Variants in LDB2 observed in about 807,000 individuals in gnomAD.
LDB2 encodes the protein LIM domain-binding protein 2.
LDB2 carries 12 observed loss-of-function variants against 44.3 expected under a neutral mutation model. The observed-to-expected ratio is 0.27, with a 90% CI of 0.17 to 0.44. LDB2 has a LOEUF of 0.44. Ranked by LOEUF, LDB2 falls within the 20% of genes least tolerant of loss-of-function variation. The pLI is 1.00. For synonymous variants in LDB2, 164 were observed against 174.8 expected, an observed-to-expected ratio of 0.94 and a Z score of 0.49; for missense variants, 344 against 473.5, an observed-to-expected ratio of 0.73 and a Z score of 2.54.
At chr4:16,831,900 C>T (rs186224559) in intron 1 of LDB2, among the ~76,000 whole-genome samples, 20 of 152,132 alleles carry the variant, frequency 1.3e-4, no homozygotes, top group African/African-American at 2.9e-4. Context: ...CTAATATGGG[C>T]GTAACCAGGG....
At chr4:16,526,373 G>A (rs1212752606) in intron 5 of LDB2, among the ~76,000 whole-genome samples, 2 of 152,166 alleles carry the variant, frequency 1.3e-5, no homozygotes, top group African/African-American at 4.8e-5. Flanking sequence ...CAGACCTTCG[G>A]TCTGGGAGTG....
intron 2 of LDB2, among the ~76,000 whole-genome samples, chr4:16,719,022 T>C (rs191655010): frequency 4.5e-4 from 67 of 149,956 alleles, no homozygotes; most frequent in African/African-American, 1.6e-3. Context: ...AAACTCAAAA[T>C]AAATAGGCAT....
intron 1 of LDB2, among the ~76,000 whole-genome samples, chr4:16,812,612 A>ATATC: frequency 1.0e-5 from 1 of 97,438 alleles, no homozygotes; most frequent in African/African-American, 3.6e-5. Flanking sequence ...ATATATATAT[A>ATATC]TATCTGTGTA....
At chr4:16,784,943 C>G (rs1774076900) in intron 1 of LDB2, among the ~76,000 whole-genome samples, 1 of 152,044 alleles carries the variant, frequency 6.6e-6, no homozygotes, top group Non-Finnish European at 1.5e-5. Flanking sequence ...CCTTAAATAC[C>G]CTCCATTCTC....
intron 5 of LDB2, among the ~76,000 whole-genome samples, chr4:16,540,824 T>G (rs1328377186): frequency 2.0e-5 from 3 of 152,246 alleles, no homozygotes; most frequent in African/African-American, 7.2e-5. Context: ...GATGATTCTC[T>G]GACTTGGGCT....
At chr4:16,705,501 A>G (rs1351494873) in intron 2 of LDB2, among the ~76,000 whole-genome samples, 6 of 152,160 alleles carry the variant, frequency 3.9e-5, no homozygotes, top group Non-Finnish European at 8.8e-5. Context: ...TAAAGCTGCT[A>G]TCCCAAGGAG....
At chr4:16,708,167 A>G (rs1421642889) in intron 2 of LDB2, among the ~76,000 whole-genome samples, 1 of 152,154 alleles carries the variant, frequency 6.6e-6, no homozygotes, top group African/African-American at 2.4e-5. Context: ...TTTGGGGGAA[A>G]AAAAAGTCAC....
At chr4:16,693,386 C>G (rs1751315617) in intron 2 of LDB2, among the ~76,000 whole-genome samples, 1 of 137,592 alleles carries the variant, frequency 7.3e-6, no homozygotes, top group African/African-American at 2.7e-5. Flanking sequence ...AATTCTTGCC[C>G]TGTTGCCCAG....
chr4:16,518,161 T>C (rs141791575), intron 5 of LDB2, among the ~76,000 whole-genome samples: 7 of 152,310 alleles, frequency 4.6e-5, no homozygotes, highest in African/African-American at 1.4e-4. Context: ...CTAACAAATG[T>C]AGACAGTGCA....
At chr4:16,505,587 G>C (rs1299245078) in intron 7 of LDB2, among the ~76,000 whole-genome samples, 1 of 152,136 alleles carries the variant, frequency 6.6e-6, no homozygotes, top group East Asian at 1.9e-4. Context: ...GGCTGCCTCT[G>C]ATTAGGGGTT....
intron 2 of LDB2, among the ~76,000 whole-genome samples, chr4:16,650,867 T>C (rs1356691134): frequency 6.6e-6 from 1 of 152,228 alleles, no homozygotes; most frequent in African/African-American, 2.4e-5. Flanking sequence ...AAGACAGGTA[T>C]CACTTCTCTC....
intron 2 of LDB2, among the ~76,000 whole-genome samples, chr4:16,626,365 C>T (rs751908996): frequency 2.2e-4 from 33 of 152,298 alleles, no homozygotes; most frequent in Non-Finnish European, 4.0e-4. Context: ...TTCTTTCTCT[C>T]GCTGTTTTGC....
intron 5 of LDB2, among the ~76,000 whole-genome samples, chr4:16,557,343 G>A (rs1038712936): frequency 4.6e-5 from 7 of 152,148 alleles, no homozygotes; most frequent in African/African-American, 1.4e-4. Context: ...CTGGAAAATC[G>A]GGTCACTCCC....
intron 2 of LDB2, among the ~76,000 whole-genome samples, chr4:16,704,169 G>A (rs1754107043): frequency 6.6e-6 from 1 of 152,088 alleles, no homozygotes. Context: ...CCATTATTGT[G>A]ATTTCTGTTT....
chr4:16,733,850 G>A (rs1761282495), intron 2 of LDB2, among the ~76,000 whole-genome samples: 2 of 152,102 alleles, frequency 1.3e-5, no homozygotes, highest in South Asian at 4.2e-4. Flanking sequence ...TAATTACCAT[G>A]TTTACTTTTC....
At chr4:16,677,375 A>C (rs948837799) in intron 2 of LDB2, among the ~76,000 whole-genome samples, 1 of 152,250 alleles carries the variant, frequency 6.6e-6, no homozygotes, top group Non-Finnish European at 1.5e-5. Flanking sequence ...TCAACAAAAC[A>C]GAAGGGAGAA....
chr4:16,595,498 T>G (rs764496538), intron 3 of LDB2, among the ~76,000 whole-genome samples: 1 of 152,180 alleles, frequency 6.6e-6, no homozygotes, highest in Admixed American at 6.5e-5. Flanking sequence ...GATTTTCATG[T>G]GCTCAGAATC....
At chr4:16,835,598 A>C (rs1784769175) in intron 1 of LDB2, among the ~76,000 whole-genome samples, 1 of 152,152 alleles carries the variant, frequency 6.6e-6, no homozygotes, top group Non-Finnish European at 1.5e-5. Flanking sequence ...TATAAGTTTT[A>C]ATTTCCCCTA....
At chr4:16,832,385 C>T (rs2110057468) in intron 1 of LDB2, among the ~76,000 whole-genome samples, 1 of 152,206 alleles carries the variant, frequency 6.6e-6, no homozygotes, top group East Asian at 1.9e-4. Flanking sequence ...AGAGGACATA[C>T]TGATGAAATT....
Sources: gnomAD v4.1 joint callset for allele counts (sites outside exome capture counted in the v4.1 genomes callset) on GRCh38, gnomAD v4.1.1 for gene constraint, MANE v1.5 for transcripts, NCBI Gene and HGNC (gene_info 2026-07-23, HGNC 2026-07-21) for gene names.